CAST: variants seen among roughly 807,000 people sequenced by gnomAD.
CAST encodes MIR583 host.
A neutral mutation model predicts 119.6 loss-of-function variants in CAST; 76 were observed. That is an observed-to-expected ratio of 0.64 (90% CI 0.53 to 0.77). The LOEUF (loss-of-function observed/expected upper bound fraction) is 0.77, where lower values mean the gene tolerates loss of function less well. CAST is among the 30% of genes least tolerant of loss of function. CAST has a pLI of 0.00. For missense variants in CAST, 953 were observed against 946.5 expected (o/e 1.01, Z -0.09); for synonymous variants, 319 against 331.6 (o/e 0.96, Z 0.41).
the CAST span, among the ~76,000 whole-genome samples, chr5:96,470,099 G>A: frequency 2.0e-4 from 30 of 150,864 alleles, no homozygotes; most frequent in African/African-American, 5.3e-4. Context: ...CCAAGATCCC[G>A]GGCTCAACTT....
At chr5:96,539,734 A>G (rs1745879903) in intron 1 of CAST, among the ~76,000 whole-genome samples, 1 of 152,196 alleles carries the variant, frequency 6.6e-6, no homozygotes, top group African/African-American at 2.4e-5. Flanking sequence ...AAGTGAATCT[A>G]AAAGAATCGA....
the CAST span, among the ~76,000 whole-genome samples, chr5:96,317,914 A>G: frequency 6.6e-6 from 1 of 152,240 alleles, no homozygotes; most frequent in African/African-American, 2.4e-5. Context: ...TTCAGAGCCA[A>G]TAATGCTGCA....
chr5:96,071,631 G>T, the CAST span, among the ~76,000 whole-genome samples: 1 of 152,012 alleles, frequency 6.6e-6, no homozygotes, highest in Admixed American at 6.6e-5. Flanking sequence ...ACTTTTCTTT[G>T]CTTGTCTCTC....
chr5:96,240,735 CTTT>C, the CAST span, among the ~76,000 whole-genome samples: 3,182 of 102,400 alleles, frequency 0.031, 113 homozygotes, highest in African/African-American at 0.11. Context: ...AGCTAACTTT[CTTT>C]TTTTTTTTTT....
At chr5:96,451,788 G>C in the CAST span, among the ~76,000 whole-genome samples, 1 of 151,886 alleles carries the variant, frequency 6.6e-6, no homozygotes, top group African/African-American at 2.4e-5. Context: ...AACTTAAACA[G>C]ATTTACAAGA....
At chr5:96,270,273 A>C in the CAST span, among the ~76,000 whole-genome samples, 1 of 152,132 alleles carries the variant, frequency 6.6e-6, no homozygotes, top group Non-Finnish European at 1.5e-5. Context: ...TGACAAACTC[A>C]CAGTTAATGT....
At chr5:96,093,114 G>A in the CAST span, among the ~76,000 whole-genome samples, 1 of 152,048 alleles carries the variant, frequency 6.6e-6, no homozygotes, top group South Asian at 2.1e-4. Flanking sequence ...CAGTGCTGGG[G>A]GTTGTGTTAC....
the CAST span, among the ~76,000 whole-genome samples, chr5:96,474,561 A>G: frequency 6.6e-6 from 1 of 152,148 alleles, no homozygotes; most frequent in African/African-American, 2.4e-5. Context: ...TCCTCCAAAC[A>G]TGGGACGAGG....
At chr5:96,727,926 GATGGCT>G (rs954144811) in intron 6 of CAST, among the ~76,000 whole-genome samples, 1 of 152,174 alleles carries the variant, frequency 6.6e-6, no homozygotes, top group Non-Finnish European at 1.5e-5. Context: ...TCAGCACCTA[GATGGCT>G]TAGGGATGAG....
At chr5:95,961,692 C>T in the CAST span, 1 of 1,604,828 alleles carries the variant, frequency 6.2e-7, no homozygotes, top group Admixed American at 1.7e-5. Flanking sequence ...GCTGCTCCTC[C>T]CGCAGGCCCC....
At chr5:96,555,825 C>T (rs1007292311) in intron 1 of CAST, among the ~76,000 whole-genome samples, 2 of 152,214 alleles carry the variant, frequency 1.3e-5, no homozygotes, top group Admixed American at 6.5e-5. Flanking sequence ...CAAAAGGCAG[C>T]AGAAACCTCT....
intron 1 of CAST, among the ~76,000 whole-genome samples, chr5:96,549,686 C>T (rs1260614834): frequency 1.3e-5 from 2 of 152,198 alleles, no homozygotes; most frequent in Non-Finnish European, 2.9e-5. Flanking sequence ...TACACTCCTG[C>T]CCAAATATTG....
At chr5:96,725,838 T>C (rs1759151765) in intron 4 of CAST, among the ~76,000 whole-genome samples, 1 of 152,212 alleles carries the variant, frequency 6.6e-6, no homozygotes, top group African/African-American at 2.4e-5. Flanking sequence ...ACTGAAAGGA[T>C]AGTTCCATAA....
chr5:96,063,519 C>T, the CAST span, among the ~76,000 whole-genome samples: 1 of 152,228 alleles, frequency 6.6e-6, no homozygotes, highest in South Asian at 2.1e-4. Flanking sequence ...AAGAACTTTC[C>T]CTCCTGAAAA....
At chr5:96,363,614 A>G in the CAST span, among the ~76,000 whole-genome samples, 2 of 152,090 alleles carry the variant, frequency 1.3e-5, no homozygotes, top group Non-Finnish European at 2.9e-5. Flanking sequence ...ATAGGAGTTC[A>G]CTCATGATTT....
At chr5:96,122,661 A>C in the CAST span, among the ~76,000 whole-genome samples, 3 of 151,974 alleles carry the variant, frequency 2.0e-5, no homozygotes, top group Non-Finnish European at 2.9e-5. Flanking sequence ...TCATGTGCAC[A>C]TATCAGTTGA....
the CAST span, among the ~76,000 whole-genome samples, chr5:96,425,060 GAAAGAAAGA>G: frequency 2.4e-5 from 3 of 126,612 alleles, no homozygotes; most frequent in Admixed American, 2.3e-4. Context: ...AAGAAAGAAA[GAAAGAAAGA>G]AAGAAAACGT....
upstream of CAST, among the ~76,000 whole-genome samples, chr5:96,528,356 C>G (rs1745631610): frequency 6.6e-6 from 1 of 152,188 alleles, no homozygotes; most frequent in South Asian, 2.1e-4. Context: ...ACAACTTCCT[C>G]CCCACCTGTG....
At chr5:96,377,573 C>A in the CAST span, among the ~76,000 whole-genome samples, 1 of 152,130 alleles carries the variant, frequency 6.6e-6, no homozygotes, top group Non-Finnish European at 1.5e-5. Flanking sequence ...GAGCAACAGG[C>A]TATAGCGGGT....
Sources: gnomAD v4.1 joint callset for allele counts (sites outside exome capture counted in the v4.1 genomes callset) on GRCh38, gnomAD v4.1.1 for gene constraint, MANE v1.5 for transcripts, NCBI Gene and HGNC (gene_info 2026-07-23, HGNC 2026-07-21) for gene names.